DNAL1: variants seen among roughly 807,000 people sequenced by gnomAD.
DNAL1 encodes the protein chromosome 14 open reading frame 168.
DNAL1 carries 17 observed loss-of-function variants against 29.4 expected under a neutral mutation model. The ratio of observed to expected loss-of-function variants is 0.58; its 90% CI spans 0.40 to 0.87. The LOEUF (loss-of-function observed/expected upper bound fraction) is 0.87. Ranked by LOEUF, DNAL1 falls within the 40% of genes least tolerant of loss-of-function variation. The pLI, the probability that DNAL1 is intolerant of heterozygous loss-of-function variation, is 0.00. For synonymous variants in DNAL1, 78 were observed against 76.3 expected (o/e 1.02, Z -0.12); for missense variants, 188 against 214.1 (o/e 0.88, Z 0.76).
chr14:73,693,776 T>G (rs1321676325), intron 7 of DNAL1, among the ~76,000 whole-genome samples: 1 of 152,094 alleles, frequency 6.6e-6, no homozygotes, highest in East Asian at 1.9e-4. Context: ...GAATATATCT[T>G]TTGTGGGTAT....
Position 73,654,897 on chromosome 14 carries a change from A to C in DNAL1, c.42+12A>C. On this transcript the variant is annotated intron_variant, in intron 2 of 7. Transcript: ENST00000553645. ...CCTTAGCGAGATGGGTGAGTACATG[A>C]GTTTTTCCTTCTTTTAGAAACTGTA... The C allele has an allele frequency of 6.5e-7, 1 of 1,542,484 alleles. No individual in the cohort carries two copies. Among genetic ancestry groups the C allele is most frequent in the African/African-American group, 1.4e-5 (1 of 72,480 alleles).
intron 5 of DNAL1, among the ~76,000 whole-genome samples, chr14:73,672,130 G>A (rs942984589): frequency 6.6e-6 from 1 of 152,132 alleles, no homozygotes; most frequent in East Asian, 1.9e-4. Context: ...AGACAAAACA[G>A]GCTAACATGA....
intron 5 of DNAL1, among the ~76,000 whole-genome samples, chr14:73,679,068 C>T (rs1299434985): frequency 6.6e-6 from 1 of 152,194 alleles, no homozygotes; most frequent in Non-Finnish European, 1.5e-5. Flanking sequence ...TGGATCTCGG[C>T]TCACTGCAAC....
rs1892471348 is a variant in DNAL1, at chr14:73,702,933, G to A, written c.*6991G>A. 2 of 146,884 alleles carry A rather than the reference G, an allele frequency of 1.4e-5. No individual in the cohort carries two copies. The highest frequency in any genetic ancestry group is 3.0e-5 in the Non-Finnish European group (2 of 67,162). The allele number at this position is 146,884 out of a possible 1,614,324, so 9.1% of individuals were successfully genotyped here. On this transcript the variant is annotated 3_prime_UTR_variant, in exon 8 of 8. Transcript: ENST00000553645. ...GAGACCAGCCTAGGCAACATCGTGA[G>A]ACCCCATCTCTACAAAAAAAAAAAA... is the stretch of plus-strand genomic sequence containing the variant.
At chr14:73,681,787 G>A (rs562531820) in intron 5 of DNAL1, among the ~76,000 whole-genome samples, 2 of 149,822 alleles carry the variant, frequency 1.3e-5, no homozygotes, top group African/African-American at 4.9e-5. Context: ...AGAGCAAGAC[G>A]CTGCCTCTAA....
At chr14:73,661,162 T>TA (rs201248546) in intron 3 of DNAL1, among the ~76,000 whole-genome samples, 1,999 of 150,474 alleles carry the variant, frequency 0.013, 31 homozygotes, top group African/African-American at 0.036. Flanking sequence ...AGACTCTGTC[T>TA]AAAAAAAAAA....
intron 5 of DNAL1, among the ~76,000 whole-genome samples, chr14:73,686,033 T>C (rs1892012683): frequency 6.6e-6 from 1 of 152,196 alleles, no homozygotes; most frequent in African/African-American, 2.4e-5. Flanking sequence ...TTGTTTTCCA[T>C]AGCAGCTGCA....
chr14:73,668,676 CTCTG>C (rs1337613388), intron 4 of DNAL1, among the ~76,000 whole-genome samples: 3 of 151,728 alleles, frequency 2.0e-5, no homozygotes, highest in Non-Finnish European at 2.9e-5. Context: ...CGTCTTCTCC[CTCTG>C]TCTCTTTTTT....
At chr14:73,689,839 C>T (rs1344275805) in intron 7 of DNAL1, among the ~76,000 whole-genome samples, 1 of 151,820 alleles carries the variant, frequency 6.6e-6, no homozygotes, top group Non-Finnish European at 1.5e-5. Flanking sequence ...AGTCTGAGAC[C>T]AGCCTGGCCA....
chr14:73,670,382 A>G (rs1891591142), intron 4 of DNAL1, among the ~76,000 whole-genome samples: 1 of 152,248 alleles, frequency 6.6e-6, no homozygotes, highest in Non-Finnish European at 1.5e-5. Context: ...ACATGTGGCT[A>G]GTGACCACCA....
At chr14:73,664,986 T>G (rs1332976415) in intron 4 of DNAL1, among the ~76,000 whole-genome samples, 1 of 152,146 alleles carries the variant, frequency 6.6e-6, no homozygotes, top group Admixed American at 6.6e-5. Context: ...TCTACTTGGA[T>G]TATAATAATA....
At chr14:73,695,634 A>T (rs1389493408) in intron 7 of DNAL1, among the ~76,000 whole-genome samples, 2 of 151,914 alleles carry the variant, frequency 1.3e-5, no homozygotes, top group South Asian at 2.1e-4. Flanking sequence ...GGTTCAAGCG[A>T]TTCTCCTGCC....
At chr14:73,688,533 G>T (rs1462295767) in intron 6 of DNAL1, among the ~76,000 whole-genome samples, 1 of 152,182 alleles carries the variant, frequency 6.6e-6, no homozygotes, top group East Asian at 1.9e-4. Flanking sequence ...TGAGGCATGA[G>T]AGTTGCTTTA....
intron 5 of DNAL1, among the ~76,000 whole-genome samples, chr14:73,677,565 T>A (rs12437207): frequency 0.23 from 33,879 of 148,838 alleles, 4,935 homozygotes; most frequent in Non-Finnish European, 0.33. Context: ...TTTATTTATT[T>A]ATTTTTTTTG....
chr14:73,656,550 G>A (rs569514852), intron 2 of DNAL1, among the ~76,000 whole-genome samples: 10 of 151,836 alleles, frequency 6.6e-5, no homozygotes, highest in African/African-American at 2.4e-4. Flanking sequence ...TGAGTAGCTG[G>A]GACTACAGGT....
At chr14:73,687,764 TC>T (rs1364888093) in intron 6 of DNAL1, among the ~76,000 whole-genome samples, 3 of 151,964 alleles carry the variant, frequency 2.0e-5, no homozygotes, top group African/African-American at 7.3e-5. Context: ...TCCCAGCTAC[TC>T]GGGAGGCTGA....
At chr14:73,655,875 A>G (rs1891206698) in intron 2 of DNAL1, among the ~76,000 whole-genome samples, 1 of 152,348 alleles carries the variant, frequency 6.6e-6, no homozygotes, top group East Asian at 1.9e-4. Context: ...AAAGACATGC[A>G]TTATATATAA....
chr14:73,661,897 A>G (rs1891366358), intron 3 of DNAL1, 90 bp from the exon 4 acceptor site: 4 of 756,562 alleles, frequency 5.3e-6, no homozygotes, highest in Non-Finnish European at 8.4e-6. Flanking sequence ...TTACTTAAAT[A>G]TTATCTTTTA....
chr14:73,654,099 T>C lies in DNAL1; in HGVS notation c.4-748T>C, dbSNP rs181552767. 1.2e-3 allele frequency among the ~76,000 whole-genome samples: 183 copies of C among 152,314 alleles called. 1 individual carries two copies. The highest frequency in any genetic ancestry group is 0.011 in the Admixed American group (173 of 15,282). On this transcript the variant is annotated intron_variant, in intron 1 of 7. Transcript: ENST00000553645. ...GATATGAAATAAAGTGGTTAATATT[T>C]TTCTAAAATTTCACCACTGCCACCT... is the stretch of plus-strand genomic sequence containing the variant.
Sources: allele counts gnomAD v4.1 joint callset (sites outside exome capture counted in the v4.1 genomes callset), GRCh38; gene constraint gnomAD v4.1.1; transcripts MANE v1.5; gene names NCBI Gene and HGNC (gene_info 2026-07-23, HGNC 2026-07-21).